Variants in DLC1 observed in about 807,000 individuals in gnomAD.
DLC1 encodes DLC1 Rho GTPase activating protein.
Under a neutral mutation model 140.3 loss-of-function variants are expected in DLC1, and 54 were observed. The observed-to-expected ratio is 0.38, with a 90% CI of 0.31 to 0.48. The LOEUF (loss-of-function observed/expected upper bound fraction) is 0.48. Ranked by LOEUF, DLC1 falls within the 20% of genes least tolerant of loss-of-function variation. DLC1 has a pLI of 0.96. For synonymous variants in DLC1, 986 were observed against 728.1 expected, an observed-to-expected ratio of 1.35 and a Z score of -5.70; for missense variants, 2,536 against 1,907.0, an observed-to-expected ratio of 1.33 and a Z score of -6.14.
intron 4 of DLC1, among the ~76,000 whole-genome samples, chr8:13,370,470 G>C (rs148170800): frequency 4.8e-4 from 73 of 152,110 alleles, no homozygotes; most frequent in Middle Eastern, 3.4e-3. Context: ...CTGTCTGTGG[G>C]TTACACTCCA....
chr8:13,484,462 T>C (rs1236244413), intron 2 of DLC1, among the ~76,000 whole-genome samples: 1 of 152,158 alleles, frequency 6.6e-6, no homozygotes, highest in Non-Finnish European at 1.5e-5. Context: ...GAAATAAGTC[T>C]TGTATGCCTG....
intron 6 of DLC1, 88 bp downstream of exon 6, chr8:13,115,498 C>A: frequency 8.3e-7 from 1 of 1,205,302 alleles, no homozygotes; most frequent in Non-Finnish European, 1.2e-6. Context: ...AACGATAAAA[C>A]TGCTGAAAAT....
At chr8:13,348,749 GA>G (rs1314833611) in intron 4 of DLC1, among the ~76,000 whole-genome samples, 1 of 152,126 alleles carries the variant, frequency 6.6e-6, no homozygotes, top group East Asian at 1.9e-4. Context: ...AAATGGAAGC[GA>G]AGGTAACAGG....
chr8:13,420,519 G>A (rs116063878), intron 2 of DLC1, among the ~76,000 whole-genome samples: 4,064 of 151,972 alleles, frequency 0.027, 185 homozygotes, highest in African/African-American at 0.093. Flanking sequence ...TTTAAGTCTC[G>A]CATGCATTAG....
intron 5 of DLC1, among the ~76,000 whole-genome samples, chr8:13,137,654 T>A (rs964709442): frequency 6.7e-6 from 1 of 148,376 alleles, no homozygotes; most frequent in African/African-American, 2.5e-5. Context: ...CAGACTGGAG[T>A]GCAGTGGTGG....
intron 5 of DLC1, among the ~76,000 whole-genome samples, chr8:13,153,738 T>A (rs1824019889): frequency 6.6e-6 from 1 of 151,926 alleles, no homozygotes; most frequent in Admixed American, 6.6e-5. Context: ...CACAAGGCAC[T>A]GATTGGTGTG....
chr8:13,372,410 G>A (rs1052092852), intron 4 of DLC1, among the ~76,000 whole-genome samples: 54 of 152,176 alleles, frequency 3.5e-4, no homozygotes, highest in African/African-American at 9.2e-4. Context: ...CAGAAGAACC[G>A]TTTGAGGATT....
At position 13,393,685 on chromosome 8, in the gene DLC1, T is replaced by C; in HGVS notation, c.1182A>G (p.Glu394=). 1 of 1,612,836 alleles carries C rather than the reference T, an allele frequency of 6.2e-7. No individual in the cohort carries two copies. The highest frequency in any genetic ancestry group is 1.7e-4 in the Middle Eastern group (1 of 5,974). Residue 394 remains glutamate (E), a synonymous_variant, in exon 4 of 18, where the codon GAA becomes GAG. Coordinates refer to ENST00000276297, the MANE Select transcript of DLC1 (RefSeq NM_182643.3). The part of the protein sequence containing the change: ...TNLRRHVPDL[E]SGSESGADTI... ...TATCTGCTCCACTTTCAGATCCTGA[T>C]TCCAGATCCTATTAAAAAACAAATG...
At chr8:13,535,515 T>C (rs1803246914) in intron 1 of DLC1, among the ~76,000 whole-genome samples, 1 of 151,976 alleles carries the variant, frequency 6.6e-6, no homozygotes, top group East Asian at 1.9e-4. Flanking sequence ...GGGCAAATTT[T>C]AACACTTAAA....
chr8:13,409,179 C>T (rs1259713441), intron 2 of DLC1, among the ~76,000 whole-genome samples: 1 of 151,998 alleles, frequency 6.6e-6, no homozygotes, highest in African/African-American at 2.4e-5. Context: ...ACTGTATCTT[C>T]CTTAATATTT....
At position 13,097,633 on chromosome 8, in the gene DLC1, G is replaced by C. The variant is rs367972642; in HGVS notation, c.3167+766C>G. The stretch of plus-strand genomic sequence containing the variant: ...GGTACTGTAAATCAAGAATTTCAAA[G>C]ATGGTCTCATTAAATCTTATTGTTT... On this transcript the variant is annotated intron_variant, in intron 10 of 17. Transcript: ENST00000276297. Among the ~76,000 whole-genome samples the C allele has an allele frequency of 7.2e-5, 11 of 152,278 alleles. No homozygotes were observed. The South Asian group carries it at 1.0e-3, about 14-fold the overall frequency.
chr8:13,583,031 G>A (rs948820876), intron 1 of DLC1, among the ~76,000 whole-genome samples: 1 of 151,550 alleles, frequency 6.6e-6, no homozygotes, highest in African/African-American at 2.4e-5. Flanking sequence ...CTTTTTGCCG[G>A]TGGAGGGTCC....
At chr8:13,516,127 T>C (rs1802578154), upstream of DLC1, among the ~76,000 whole-genome samples, 2 of 152,116 alleles carry the variant, frequency 1.3e-5, no homozygotes, top group South Asian at 4.1e-4. Flanking sequence ...TTATTTACAA[T>C]CAATGGATTT....
Position 13,100,430 on chromosome 8 carries a change from GAGTCGTCATTGCCTGCCA to G in DLC1, c.1889_1906del (p.Leu630_Asp635del). ...CTTGGGAGAGGGCAGGCTGCCGAAA[GAGTCGTCATTGCCTGCCA>G]AGTTGCTGGAGGAGCAAACGCTGAT... is the stretch of plus-strand genomic sequence containing the variant. On this transcript the variant is annotated inframe_deletion, in exon 9 of 18. Transcript: ENST00000276297. 1 of 1,614,116 alleles carries G rather than the reference GAGTCGTCATTGCCTGCCA, an allele frequency of 6.2e-7. No homozygotes were observed. The highest frequency in any genetic ancestry group is 8.5e-7 in the Non-Finnish European group (1 of 1,180,050).
At chr8:13,423,816 T>G (rs1472618217) in intron 2 of DLC1, among the ~76,000 whole-genome samples, 3 of 152,198 alleles carry the variant, frequency 2.0e-5, no homozygotes, top group Non-Finnish European at 4.4e-5. Context: ...CGTGTTCTTC[T>G]CTTTAAAACA....
At chr8:13,593,867 T>G (rs192922829) in intron 1 of DLC1, among the ~76,000 whole-genome samples, 1 of 152,126 alleles carries the variant, frequency 6.6e-6, no homozygotes, top group Non-Finnish European at 1.5e-5. Context: ...TCATGCTGGA[T>G]GTATTGTTGA....
chr8:13,412,673 C>T (rs769848742), intron 2 of DLC1, among the ~76,000 whole-genome samples: 1 of 152,042 alleles, frequency 6.6e-6, no homozygotes, highest in East Asian at 1.9e-4. Context: ...GTGGCTCACA[C>T]CTGTAATCCC....
At chr8:13,480,440 CT>C (rs1321940619) in intron 2 of DLC1, among the ~76,000 whole-genome samples, 2 of 152,118 alleles carry the variant, frequency 1.3e-5, no homozygotes, top group African/African-American at 2.4e-5. Context: ...CCTGGTTGAT[CT>C]TTTAAAGATA....
chr8:13,161,742 C>T (rs1824718389), intron 5 of DLC1, among the ~76,000 whole-genome samples: 1 of 152,152 alleles, frequency 6.6e-6, no homozygotes, highest in Non-Finnish European at 1.5e-5. Flanking sequence ...AGAACGCTTC[C>T]TTGTGGATGT....
Sources: gnomAD v4.1 joint callset for allele counts (sites outside exome capture counted in the v4.1 genomes callset) on GRCh38, gnomAD v4.1.1 for gene constraint, MANE v1.5 for transcripts, NCBI Gene and HGNC (gene_info 2026-07-23, HGNC 2026-07-21) for gene names.